GRIK1: variants seen among roughly 807,000 people sequenced by gnomAD.
GRIK1 encodes glutamate ionotropic receptor kainate type subunit 1, also known as glutamate receptor ionotropic, kainate 1.
Under a neutral mutation model 105.7 loss-of-function variants are expected in GRIK1, and 69 were observed. The ratio of observed to expected loss-of-function variants is 0.65; its 90% CI spans 0.54 to 0.80. GRIK1 has a LOEUF of 0.80. Ranked by LOEUF, GRIK1 falls within the 30% of genes least tolerant of loss-of-function variation. The pLI, the probability that GRIK1 is intolerant of heterozygous loss-of-function variation, is 0.00. For missense variants in GRIK1, 1,109 were observed against 1,167.3 expected (o/e 0.95, Z 0.73); for synonymous variants, 438 against 431.3 (o/e 1.02, Z -0.19).
At chr21:29,902,459 C>T (rs1001695396) in intron 1 of GRIK1, among the ~76,000 whole-genome samples, 1 of 152,184 alleles carries the variant, frequency 6.6e-6, no homozygotes, top group African/African-American at 2.4e-5. Context: ...TCTCAGGATA[C>T]AAAATCAATG....
chr21:29,598,294 G>T (rs2061454351), intron 8 of GRIK1, among the ~76,000 whole-genome samples: 2 of 152,176 alleles, frequency 1.3e-5, no homozygotes, highest in South Asian at 4.1e-4. Flanking sequence ...CCTAAAATGA[G>T]AACCCAACAT....
chr21:29,600,945 C>T (rs918471996), intron 7 of GRIK1, among the ~76,000 whole-genome samples: 5 of 152,190 alleles, frequency 3.3e-5, no homozygotes, highest in Non-Finnish European at 7.3e-5. Flanking sequence ...ATAATGGATT[C>T]ATTCTACCTA....
At chr21:29,750,574 G>A (rs2065168805) in intron 1 of GRIK1, among the ~76,000 whole-genome samples, 1 of 152,156 alleles carries the variant, frequency 6.6e-6, no homozygotes, top group South Asian at 2.1e-4. Flanking sequence ...ACTGATTGCT[G>A]AGGCAGATTT....
chr21:29,629,497 C>CTT (rs376423917), intron 7 of GRIK1, among the ~76,000 whole-genome samples: 299 of 148,122 alleles, frequency 2.0e-3, no homozygotes, highest in African/African-American at 7.0e-3. Context: ...TTCTTTCTTT[C>CTT]TTTTTTTTTT....
intron 7 of GRIK1, among the ~76,000 whole-genome samples, chr21:29,612,894 A>G (rs1405089508): frequency 3.3e-5 from 5 of 152,234 alleles, no homozygotes; most frequent in Admixed American, 1.3e-4. Flanking sequence ...TAACAATAGT[A>G]ATTTAAAATG....
Position 29,842,865 on chromosome 21 carries a change from A to G in GRIK1, c.118+96518T>C, listed in dbSNP as rs577142992. ...CATTTCCAGCAACACTCACAGTTTAATACCCCTATAGGCTTCCTTTCCAGA... is the reference window on the plus strand; with the variant it reads ...CATTTCCAGCAACACTCACAGTTTAGTACCCCTATAGGCTTCCTTTCCAGA... On this transcript the variant is annotated intron_variant, in intron 1 of 17. Coordinates refer to ENST00000327783, the MANE Select transcript of GRIK1 (RefSeq NM_001330994.2). Among the ~76,000 whole-genome samples the G allele has an allele frequency of 2.6e-5, 4 of 152,346 alleles. No individual in the cohort carries two copies. The South Asian group carries it at 8.3e-4, about 32-fold the overall frequency.
intron 1 of GRIK1, among the ~76,000 whole-genome samples, chr21:29,772,982 C>T (rs921950724): frequency 6.6e-6 from 1 of 151,976 alleles, no homozygotes; most frequent in South Asian, 2.1e-4. Context: ...TTTAGTAATA[C>T]AGGGGCAATG....
intron 1 of GRIK1, among the ~76,000 whole-genome samples, chr21:29,771,871 C>T (rs1345811086): frequency 6.6e-6 from 1 of 152,226 alleles, no homozygotes; most frequent in African/African-American, 2.4e-5. Flanking sequence ...ACTATGCCCG[C>T]CCCCTAGTCC....
At chr21:29,900,459 C>CAAAAAAAAAAAAAAAAA (rs746842761) in intron 1 of GRIK1, among the ~76,000 whole-genome samples, 4 of 78,314 alleles carry the variant, frequency 5.1e-5, no homozygotes, top group Admixed American at 1.4e-4. Flanking sequence ...AAATGGAAAG[C>CAAAAAAAAAAAAAAAAA]AAGAAAAAAA....
chr21:29,931,738 C>T (rs1281820616), intron 1 of GRIK1, among the ~76,000 whole-genome samples: 1 of 152,026 alleles, frequency 6.6e-6, no homozygotes, highest in East Asian at 1.9e-4. Context: ...ATCATTGTTC[C>T]TAAGCCCTCT....
chr21:29,699,242 A>G (rs150054225), intron 1 of GRIK1, among the ~76,000 whole-genome samples: 357 of 152,318 alleles, frequency 2.3e-3, no homozygotes, highest in South Asian at 9.5e-3. Context: ...TCAAATTTAT[A>G]TGTTGCAGGC....
chr21:29,606,793 TTCTTG>T (rs3831787), intron 7 of GRIK1, among the ~76,000 whole-genome samples: 74,883 of 147,544 alleles, frequency 0.51, 20,455 homozygotes, highest in African/African-American at 0.77. Flanking sequence ...TCTCTGTTGT[TTCTTG>T]TCTTGTCTTG....
rs567707231 is a variant in GRIK1, at chr21:29,880,293, C to G, written c.118+59090G>C. 3.3e-5 allele frequency among the ~76,000 whole-genome samples: 5 copies of G among 152,222 alleles called. No homozygotes were observed. The East Asian group carries it at 9.7e-4, about 29-fold the overall frequency. ...GTCATTAGAAAAATCTTTACCAACT[C>G]ATTTCATGTTTCTTTGAATCAGAAT... is the stretch of plus-strand genomic sequence containing the variant. On this transcript the variant is annotated intron_variant, in intron 1 of 17. Coordinates refer to ENST00000327783, the MANE Select transcript of GRIK1 (RefSeq NM_001330994.2).
intron 7 of GRIK1, among the ~76,000 whole-genome samples, chr21:29,610,640 A>T (rs1012511850): frequency 5.9e-5 from 9 of 152,144 alleles, no homozygotes; most frequent in Admixed American, 4.6e-4. Flanking sequence ...CCTTACCAAC[A>T]TCTTGACTTT....
chr21:29,705,267 G>A (rs541476596), intron 1 of GRIK1, among the ~76,000 whole-genome samples: 10 of 152,214 alleles, frequency 6.6e-5, no homozygotes, highest in Admixed American at 2.0e-4. Context: ...ATGTGTGTGC[G>A]TATATGTTGC....
intron 14 of GRIK1, among the ~76,000 whole-genome samples, chr21:29,564,370 A>G (rs1027973302): frequency 6.6e-6 from 1 of 151,984 alleles, no homozygotes; most frequent in Non-Finnish European, 1.5e-5. Context: ...GATGGTCTCG[A>G]TCTCCTGACC....
At chr21:29,902,569 A>G (rs1248443479) in intron 1 of GRIK1, among the ~76,000 whole-genome samples, 1 of 152,218 alleles carries the variant, frequency 6.6e-6, no homozygotes, top group Admixed American at 6.5e-5. Flanking sequence ...TCAAATACCT[A>G]GGAATACAAC....
At chr21:29,597,641 G>C (rs1004436280) in intron 8 of GRIK1, 1 of 468,292 alleles carries the variant, frequency 2.1e-6, no homozygotes. Context: ...CAGACCAACA[G>C]AGGGGCAAAT....
At chr21:29,650,813 C>T (rs1366347563) in intron 6 of GRIK1, among the ~76,000 whole-genome samples, 1 of 152,198 alleles carries the variant, frequency 6.6e-6, no homozygotes, top group African/African-American at 2.4e-5. Context: ...GCCACCTTCC[C>T]CACAGCCACA....
Sources: gnomAD v4.1 joint callset for allele counts (sites outside exome capture counted in the v4.1 genomes callset) on GRCh38, gnomAD v4.1.1 for gene constraint, MANE v1.5 for transcripts, NCBI Gene and HGNC (gene_info 2026-07-23, HGNC 2026-07-21) for gene names.